The following BTBD9 variants were observed in gnomAD, a reference collection of about 807,000 sequenced individuals.
BTBD9 encodes BTB domain containing 9, also known as BTB/POZ domain-containing protein 9.
BTBD9 carries 49 observed loss-of-function variants against 64.3 expected under a neutral mutation model. The ratio of observed to expected loss-of-function variants is 0.76; its 90% CI spans 0.61 to 0.97. The LOEUF is 0.97. BTBD9 is among the 50% of genes least tolerant of loss of function. The probability of loss-of-function intolerance (pLI) is 0.00; values close to 1 mark genes in which losing one functional copy is unlikely to be tolerated. For synonymous variants in BTBD9, 260 were observed against 274.7 expected (o/e 0.95, Z 0.53); for missense variants, 598 against 762.1 (o/e 0.78, Z 2.53).
intron 10 of BTBD9, among the ~76,000 whole-genome samples, chr6:38,177,029 G>A (rs892961516): frequency 1.3e-5 from 2 of 151,984 alleles, no homozygotes; most frequent in East Asian, 1.9e-4. Flanking sequence ...CTGTTCCCAC[G>A]CCCACACGCA....
chr6:38,495,860 A>C (rs938600090), intron 6 of BTBD9, among the ~76,000 whole-genome samples: 1 of 152,184 alleles, frequency 6.6e-6, no homozygotes, highest in Non-Finnish European at 1.5e-5. Flanking sequence ...AGAATGTCTT[A>C]CTTATCCCAT....
At chr6:38,361,111 G>A (rs1764937386) in intron 6 of BTBD9, among the ~76,000 whole-genome samples, 1 of 152,118 alleles carries the variant, frequency 6.6e-6, no homozygotes, top group African/African-American at 2.4e-5. Flanking sequence ...ATCACCTGGG[G>A]GACTTCGGAA....
chr6:38,558,443 C>T lies in BTBD9; in HGVS notation c.1154+19157G>A, dbSNP rs186582183. ...GACCTTCAGTACTATGTTGAATAGG[C>T]GTGGTGAGAGTGGACATCCTTTCTT... On this transcript the variant is annotated intron_variant, in intron 6 of 10. Transcript: ENST00000481247. Among the ~76,000 whole-genome samples the T allele has an allele frequency of 3.9e-3, 588 of 152,196 alleles. 2 individuals carry two copies. Among genetic ancestry groups the T allele is most frequent in the African/African-American group, 9.3e-3 (386 of 41,518 alleles).
intron 9 of BTBD9, among the ~76,000 whole-genome samples, chr6:38,223,985 G>C (rs1763302795): frequency 6.6e-6 from 1 of 152,136 alleles, no homozygotes; most frequent in Admixed American, 6.6e-5. Context: ...GGCCAAAGCA[G>C]GCTGACTGCT....
At chr6:38,629,924 C>T (rs1261765717) in intron 1 of BTBD9, among the ~76,000 whole-genome samples, 1 of 151,550 alleles carries the variant, frequency 6.6e-6, no homozygotes, top group Admixed American at 6.6e-5. Context: ...TAAAGGAGAC[C>T]AGGCCAGGCG....
chr6:38,291,721 T>C (rs1582175089), intron 7 of BTBD9, among the ~76,000 whole-genome samples: 1 of 152,140 alleles, frequency 6.6e-6, no homozygotes, highest in African/African-American at 2.4e-5. Context: ...GAATTTTATC[T>C]AAGGCCTTTT....
intron 1 of BTBD9, among the ~76,000 whole-genome samples, chr6:38,634,395 T>C (rs761422555): frequency 1.3e-5 from 2 of 152,216 alleles, no homozygotes; most frequent in African/African-American, 2.4e-5. Context: ...ATTATACCTC[T>C]TCCTGTTTCT....
At chr6:38,313,560 AC>A (rs1300107678) in intron 7 of BTBD9, among the ~76,000 whole-genome samples, 1 of 152,144 alleles carries the variant, frequency 6.6e-6, no homozygotes, top group African/African-American at 2.4e-5. Context: ...TTCCTTCTAT[AC>A]CCAGTTTCTT....
At chr6:38,301,951 T>G (rs1762419754) in intron 7 of BTBD9, among the ~76,000 whole-genome samples, 1 of 152,226 alleles carries the variant, frequency 6.6e-6, no homozygotes, top group Non-Finnish European at 1.5e-5. Context: ...ATTGTGATGT[T>G]AGGGTGTCAA....
rs112212128 is a variant in BTBD9 at position 38,304,638 on chromosome 6, C to A, written c.1265-16177G>T. The stretch of plus-strand genomic sequence containing the variant: ...GTTTGTTTGTTTATAAAGACAGGGT[C>A]TCTACATGGCCCAGACTCCTGGGCT... On this transcript the variant is annotated intron_variant, in intron 7 of 10. Coordinates refer to ENST00000481247, the MANE Select transcript of BTBD9 (RefSeq NM_001099272.2). Among the ~76,000 whole-genome samples the A allele has an allele frequency of 7.9e-3, 1,203 of 152,116 alleles. 9 individuals carry two copies. The highest frequency in any genetic ancestry group is 0.014 in the Non-Finnish European group (929 of 67,996).
chr6:38,332,696 T>A (rs954926804), intron 7 of BTBD9, among the ~76,000 whole-genome samples: 7 of 152,148 alleles, frequency 4.6e-5, no homozygotes, highest in Non-Finnish European at 7.4e-5. Context: ...AGCAAAATAT[T>A]AAAAAAACAC....
intron 6 of BTBD9, among the ~76,000 whole-genome samples, chr6:38,408,529 A>G (rs2127253820): frequency 6.6e-6 from 1 of 152,314 alleles, no homozygotes; most frequent in East Asian, 1.9e-4. Flanking sequence ...TCGGGTTGAA[A>G]TAATTCCAAG....
rs1016463606 is a variant in BTBD9, at chr6:38,366,535, C to T, written c.1155-21442G>A. Among the ~76,000 whole-genome samples the T allele has an allele frequency of 2.0e-5, 3 of 152,278 alleles. No individual in the cohort carries two copies. In the Middle Eastern group the frequency reaches 0.01, roughly 518 times the overall value. ...CTGTATACTTTATAACAGGGCAGAA[C>T]CCAAGAGTAAAATGAGGCCTGGCCT... On this transcript the variant is annotated intron_variant, in intron 6 of 10. Transcript: ENST00000481247.
chr6:38,332,262 G>A lies in BTBD9; in HGVS notation c.1264+12722C>T, dbSNP rs958029743. 4.6e-5 allele frequency among the ~76,000 whole-genome samples: 7 copies of A among 152,190 alleles called. No homozygotes were observed. In the East Asian group the frequency reaches 1.2e-3, roughly 25 times the overall value. ...CCTCACCTTGAGATAAGATAAATAC[G>A]TATTAATACAGTTTCCTACAGCTCT... On this transcript the variant is annotated intron_variant, in intron 7 of 10. Coordinates refer to ENST00000481247, the MANE Select transcript of BTBD9 (RefSeq NM_001099272.2).
At chr6:38,636,045 A>G (rs888188139) in intron 1 of BTBD9, among the ~76,000 whole-genome samples, 4 of 152,188 alleles carry the variant, frequency 2.6e-5, no homozygotes, top group Non-Finnish European at 5.9e-5. Flanking sequence ...GCTGCCATTT[A>G]TTATATTAAG....
At chr6:38,341,835 G>A (rs1764111817) in intron 7 of BTBD9, among the ~76,000 whole-genome samples, 1 of 152,204 alleles carries the variant, frequency 6.6e-6, no homozygotes, top group Non-Finnish European at 1.5e-5. Context: ...AATGAGAAGA[G>A]GCTGTAGTGG....
intron 6 of BTBD9, among the ~76,000 whole-genome samples, chr6:38,550,351 C>G (rs1213324759): frequency 6.7e-6 from 1 of 148,444 alleles, no homozygotes; most frequent in African/African-American, 2.5e-5. Context: ...TTGCCTCGCT[C>G]TGTCGCCCAG....
At chr6:38,410,054 G>T (rs1767343910) in intron 6 of BTBD9, among the ~76,000 whole-genome samples, 1 of 152,054 alleles carries the variant, frequency 6.6e-6, no homozygotes, top group South Asian at 2.1e-4. Context: ...TTTAAAAAAA[G>T]AAATCATTCC....
At chr6:38,249,225 G>A (rs1764307431) in intron 9 of BTBD9, among the ~76,000 whole-genome samples, 1 of 152,016 alleles carries the variant, frequency 6.6e-6, no homozygotes, top group African/African-American at 2.4e-5. Context: ...TTATAGATTT[G>A]TTCTCTGCAA....
Sources: allele counts gnomAD v4.1 joint callset (sites outside exome capture counted in the v4.1 genomes callset), GRCh38; gene constraint gnomAD v4.1.1; transcripts MANE v1.5; gene names NCBI Gene and HGNC (gene_info 2026-07-23, HGNC 2026-07-21).